The following ZC3H12B variants were observed in gnomAD, a reference collection of about 807,000 sequenced individuals.
ZC3H12B encodes the protein zinc finger CCCH-type containing 12B.
ZC3H12B carries 7 observed loss-of-function variants against 43.9 expected under a neutral mutation model. The ratio of observed to expected loss-of-function variants is 0.16; its 90% CI spans 0.09 to 0.30. ZC3H12B has a LOEUF of 0.30. ZC3H12B is among the 10% of genes least tolerant of loss of function. The pLI is 1.00. For synonymous variants in ZC3H12B, 222 were observed against 241.7 expected, an observed-to-expected ratio of 0.92 and a Z score of 0.76; for missense variants, 475 against 670.2, an observed-to-expected ratio of 0.71 and a Z score of 3.22.
the ZC3H12B span, among the ~76,000 whole-genome samples, chrX:65,182,191 G>C: frequency 4.5e-5 from 5 of 111,288 alleles, no homozygotes; most frequent in African/African-American, 1.6e-4. Flanking sequence ...TCATTAGTGG[G>C]AGTTGAACAA....
rs776884879 is a variant in ZC3H12B at position 65,502,987 on chromosome X, C to T, written c.2289C>T (p.Ser763=). The T allele has an allele frequency of 2.6e-5, 32 of 1,209,350 alleles. No individual in the cohort carries two copies. In the South Asian group the frequency reaches 3.0e-4, roughly 11 times the overall value. ...GTTATGAGCCAGTCATGGTACGGAG[C>T]GTGCCTGAAAAGATGGAGCAGCTTT... The change falls in exon 5 of 5, where the codon AGC becomes AGT. Residue 763 remains serine (S), a synonymous_variant. Transcript: ENST00000338957.
chrX:65,149,308 G>A, the ZC3H12B span, among the ~76,000 whole-genome samples: 14 of 112,093 alleles, frequency 1.2e-4, no homozygotes, highest in Non-Finnish European at 3.8e-5. Flanking sequence ...TGCCTCTAAA[G>A]AATGTGTGAA....
chrX:65,211,439 G>C, the ZC3H12B span, among the ~76,000 whole-genome samples: 1 of 107,492 alleles, frequency 9.3e-6, no homozygotes, highest in African/African-American at 3.4e-5. Flanking sequence ...GTATGTTCTA[G>C]GCACCATGCT....
At chrX:65,200,531 C>T in the ZC3H12B span, among the ~76,000 whole-genome samples, 2 of 100,603 alleles carry the variant, frequency 2.0e-5, no homozygotes, top group African/African-American at 7.5e-5. Flanking sequence ...CTCCTAGGTT[C>T]AAGCGATTCT....
the ZC3H12B span, among the ~76,000 whole-genome samples, chrX:65,226,313 G>C: frequency 9.0e-6 from 1 of 111,068 alleles, no homozygotes; most frequent in Non-Finnish European, 1.9e-5. Flanking sequence ...TTACAGACAA[G>C]CAAATGCTGA....
the ZC3H12B span, among the ~76,000 whole-genome samples, chrX:65,183,924 A>T: frequency 1.8e-5 from 2 of 111,539 alleles, no homozygotes; most frequent in Non-Finnish European, 3.8e-5. Flanking sequence ...GAAAAGAGGC[A>T]TTCTATGGGT....
chrX:65,181,933 C>T, the ZC3H12B span, among the ~76,000 whole-genome samples: 1 of 111,723 alleles, frequency 9.0e-6, no homozygotes, highest in Non-Finnish European at 1.9e-5. Context: ...AATCGTTCTA[C>T]TATAATGAAA....
the ZC3H12B span, among the ~76,000 whole-genome samples, chrX:65,177,173 A>G: frequency 2.7e-5 from 3 of 112,302 alleles, no homozygotes; most frequent in Non-Finnish European, 5.6e-5. Context: ...AGCAATGACA[A>G]AAACTTCATG....
chrX:65,278,859 C>T, the ZC3H12B span, among the ~76,000 whole-genome samples: 8,479 of 103,158 alleles, frequency 0.082, 1,007 homozygotes, highest in African/African-American at 0.29. Flanking sequence ...TGTTCATAAG[C>T]GCTTATTTAG....
the ZC3H12B span, among the ~76,000 whole-genome samples, chrX:65,182,015 A>G: frequency 2.7e-5 from 3 of 112,131 alleles, no homozygotes; most frequent in East Asian, 2.8e-4. Context: ...ATGCCCATCT[A>G]TGATAGACTG....
chrX:65,215,323 A>G, the ZC3H12B span, among the ~76,000 whole-genome samples: 1 of 111,727 alleles, frequency 9.0e-6, no homozygotes, highest in Admixed American at 9.6e-5. Context: ...ATTCAAATAG[A>G]AGACAGTTTT....
At chrX:65,224,477 C>A in the ZC3H12B span, among the ~76,000 whole-genome samples, 22 of 112,665 alleles carry the variant, frequency 2.0e-4, no homozygotes, top group Admixed American at 1.7e-3. Context: ...GCATTTCCAT[C>A]TGAAGTACCG....
At chrX:65,124,144 A>C in the ZC3H12B span, among the ~76,000 whole-genome samples, 1 of 110,920 alleles carries the variant, frequency 9.0e-6, no homozygotes, top group South Asian at 3.8e-4. Flanking sequence ...GATGGCTTTT[A>C]TTACATTAAG....
chrX:65,153,069 T>C, the ZC3H12B span, among the ~76,000 whole-genome samples: 1 of 111,913 alleles, frequency 8.9e-6, no homozygotes, highest in East Asian at 2.8e-4. Flanking sequence ...TTACACCTTA[T>C]ACAAAAATTA....
the ZC3H12B span, among the ~76,000 whole-genome samples, chrX:65,320,357 A>T: frequency 9.0e-6 from 1 of 111,638 alleles, no homozygotes. Flanking sequence ...AAAAATATAT[A>T]CAATGAGAAA....
chrX:65,322,985 G>T, the ZC3H12B span, among the ~76,000 whole-genome samples: 174 of 111,052 alleles, frequency 1.6e-3, no homozygotes, highest in Admixed American at 6.5e-3. Context: ...GATTTTAATG[G>T]AATTATTATA....
upstream of ZC3H12B, among the ~76,000 whole-genome samples, chrX:65,488,356 A>C (rs867570762): frequency 3.1e-5 from 3 of 97,505 alleles, no homozygotes; most frequent in Admixed American, 1.1e-4. Context: ...TGTGATAAGC[A>C]GATAACTTTA....
the ZC3H12B span, chrX:65,328,005 G>T: frequency 8.0e-6 from 2 of 250,083 alleles, no homozygotes; most frequent in South Asian, 6.1e-5. Context: ...GCTTTACAGT[G>T]GTACTCAGGA....
the ZC3H12B span, among the ~76,000 whole-genome samples, chrX:65,106,835 T>A: frequency 3.6e-5 from 4 of 111,808 alleles, no homozygotes; most frequent in Non-Finnish European, 7.5e-5. Flanking sequence ...TTACATGTAT[T>A]AATTTAATTC....
Sources: gnomAD v4.1 joint callset for allele counts (sites outside exome capture counted in the v4.1 genomes callset) on GRCh38, gnomAD v4.1.1 for gene constraint, MANE v1.5 for transcripts, NCBI Gene and HGNC (gene_info 2026-07-23, HGNC 2026-07-21) for gene names.